Variants in ARHGEF7 observed in about 807,000 individuals in gnomAD.
ARHGEF7 encodes the protein Rho guanine nucleotide exchange factor 7, also known as PAK-interacting exchange factor beta.
Under a neutral mutation model 109.8 loss-of-function variants are expected in ARHGEF7, and 33 were observed. That is an observed-to-expected ratio of 0.30 (90% CI 0.23 to 0.40). The LOEUF is 0.40. Ranked by LOEUF, ARHGEF7 falls within the 10% of genes least tolerant of loss-of-function variation. The pLI is 1.00. For synonymous variants in ARHGEF7, 458 were observed against 424.6 expected, an observed-to-expected ratio of 1.08 and a Z score of -0.97; for missense variants, 938 against 1,098.5, an observed-to-expected ratio of 0.85 and a Z score of 2.07.
chr13:111,200,253 A>G (rs902929217), intron 2 of ARHGEF7, among the ~76,000 whole-genome samples: 5 of 151,990 alleles, frequency 3.3e-5, no homozygotes, highest in African/African-American at 1.2e-4. Flanking sequence ...CTCCAAGCCG[A>G]GCCTCCTTTC....
At chr13:111,271,673 A>G (rs1470442500) in intron 9 of ARHGEF7, among the ~76,000 whole-genome samples, 1 of 152,232 alleles carries the variant, frequency 6.6e-6, no homozygotes, top group African/African-American at 2.4e-5. Context: ...CACCACGTAC[A>G]CACACTCGGA....
intron 2 of ARHGEF7, among the ~76,000 whole-genome samples, chr13:111,175,950 A>G (rs901360030): frequency 1.3e-5 from 2 of 152,188 alleles, no homozygotes; most frequent in Non-Finnish European, 2.9e-5. Flanking sequence ...AGGGCAGGGA[A>G]AAGCCCCTTA....
In ARHGEF7 at chr13:111,255,255, G is replaced by A. The variant is rs1346252504; in HGVS notation, c.950+10961G>A. On this transcript the variant is annotated intron_variant, in intron 8 of 21. Transcript: ENST00000646102. This position sits in a 1 kb window ranked among gnomAD's most constrained non-coding sequence, Gnocchi z 4.1. ...CCGTTTGGGGTTGCTGTGCATTTCA[G>A]TTGGAGATGTCACAGGGGAGGGTGG... Among the ~76,000 whole-genome samples the A allele has an allele frequency of 1.3e-5, 2 of 152,252 alleles. No individual in the cohort carries two copies. Among genetic ancestry groups the A allele is most frequent in the Admixed American group, 1.3e-4 (2 of 15,288 alleles).
intron 19 of ARHGEF7, chr13:111,293,451 A>C (rs915488635): frequency 8.2e-4 from 809 of 985,208 alleles, no homozygotes; most frequent in Non-Finnish European, 9.3e-4. Context: ...AAAAAAAAAA[A>C]AAACTCACCC....
intron 1 of ARHGEF7, among the ~76,000 whole-genome samples, chr13:111,125,861 A>G (rs1004741836): frequency 2.6e-5 from 4 of 152,378 alleles, no homozygotes; most frequent in Middle Eastern, 3.4e-3. Context: ...ATGCCAAAAG[A>G]TTGTGGCTTT....
At chr13:111,209,738 A>G in intron 3 of ARHGEF7, 134 bp from the exon 4 acceptor site, 1 of 994,742 alleles carries the variant, frequency 1.0e-6, no homozygotes, top group Non-Finnish European at 1.4e-6. Context: ...TGTTTTCTGC[A>G]TAAATGGGCT....
Position 111,215,917 on chromosome 13 carries a change from T to G in ARHGEF7, c.469-1762T>G, listed in dbSNP as rs545518460. On this transcript the variant is annotated intron_variant, in intron 4 of 21. Transcript: ENST00000646102. ...CTTTCTTTTCAGTTTTTTTGTTAATTCCCCTGTTTTGGAGAAGCACATTTT... is the reference window on the plus strand; with the variant it reads ...CTTTCTTTTCAGTTTTTTTGTTAATGCCCCTGTTTTGGAGAAGCACATTTT... 2.6e-5 allele frequency among the ~76,000 whole-genome samples: 4 copies of G among 152,110 alleles called. No homozygotes were observed. The South Asian group carries it at 8.3e-4, about 32-fold the overall frequency.
chr13:111,285,425 C>T (rs1028802520), intron 16 of ARHGEF7, among the ~76,000 whole-genome samples: 3 of 152,154 alleles, frequency 2.0e-5, no homozygotes, highest in Admixed American at 6.5e-5. Context: ...GTATTTAACA[C>T]GTGCTTGACA....
At chr13:111,292,494 C>G (rs111578414) in intron 19 of ARHGEF7, 200 bp downstream of exon 19, 47 of 1,430,072 alleles carry the variant, frequency 3.3e-5, no homozygotes, top group Non-Finnish European at 3.6e-5. Flanking sequence ...ACTGCCGATG[C>G]GAGTATACAT....
At chr13:111,230,581 G>C (rs1566904970) in intron 5 of ARHGEF7, among the ~76,000 whole-genome samples, 2 of 152,338 alleles carry the variant, frequency 1.3e-5, no homozygotes, top group East Asian at 3.9e-4. Context: ...CAGAAGCCAG[G>C]AGTGGCCTTG....
At chr13:111,298,229 A>C (rs898839479) in intron 19 of ARHGEF7, among the ~76,000 whole-genome samples, 17 of 152,298 alleles carry the variant, frequency 1.1e-4, no homozygotes, top group South Asian at 2.1e-4. Flanking sequence ...TTTCTATGAA[A>C]TTTCTGTATC....
In ARHGEF7 at chr13:111,123,080, C is replaced by T. The variant is rs185052415; in HGVS notation, c.165+7389C>T. 3.3e-5 allele frequency among the ~76,000 whole-genome samples: 5 copies of T among 152,290 alleles called. No individual in the cohort carries two copies. In the East Asian group the frequency reaches 5.8e-4, roughly 18 times the overall value. On this transcript the variant is annotated intron_variant, in intron 1 of 21. Transcript: ENST00000646102. ...TGCCCCTGGCAAAGTGACCTTGTAG[C>T]GCCTCCATCAAGAGGTAGGAGTCTG...
At chr13:111,232,150 C>A (rs940113351) in intron 5 of ARHGEF7, among the ~76,000 whole-genome samples, 5 of 152,054 alleles carry the variant, frequency 3.3e-5, no homozygotes, top group African/African-American at 9.7e-5. Context: ...CATTGATAGA[C>A]CCACCCTATA....
intron 5 of ARHGEF7, among the ~76,000 whole-genome samples, chr13:111,221,780 A>C (rs1183672538): frequency 6.6e-6 from 1 of 151,034 alleles, no homozygotes; most frequent in Non-Finnish European, 1.5e-5. Context: ...TGTCCCTCTA[A>C]AGAACCCTCA....
intron 18 of ARHGEF7, 31 bp downstream of exon 18, chr13:111,288,474 G>T (rs368372272): frequency 1.1e-4 from 171 of 1,554,446 alleles, no homozygotes; most frequent in Non-Finnish European, 1.4e-4. Flanking sequence ...TGGGAAGTGT[G>T]GTGGTTTATT....
intron 5 of ARHGEF7, among the ~76,000 whole-genome samples, chr13:111,230,389 T>C (rs186475997): frequency 4.9e-4 from 75 of 152,342 alleles, no homozygotes; most frequent in African/African-American, 1.8e-3. Context: ...CGAATGGCCG[T>C]AATTTAGCCT....
At chr13:111,282,432 C>T (rs1021376610) in intron 15 of ARHGEF7, among the ~76,000 whole-genome samples, 5 of 152,182 alleles carry the variant, frequency 3.3e-5, no homozygotes, top group African/African-American at 1.2e-4. Flanking sequence ...GCATTAATGG[C>T]ACACCGCTCT....
In ARHGEF7 at chr13:111,274,785, C is replaced by G; in HGVS notation, c.1267C>G (p.Leu423Val). 6.8e-7 allele frequency: 1 copy of G among 1,480,762 alleles called. No individual in the cohort carries two copies. 91.7% of individuals were successfully genotyped at this position (1,480,762 alleles called of 1,614,324 possible). ...IQKSMAAFKN[L>V]SAQCQEVRKR... Reference sequence around the variant, plus strand: ...AAAATCCATGGCTGCCTTCAAAAACCTTTCAGTAAGTGATTAAGCATATTG... The same window carrying G: ...AAAATCCATGGCTGCCTTCAAAAACGTTTCAGTAAGTGATTAAGCATATTG... The change falls in exon 11 of 22, where the codon CTT (leucine) becomes GTT (valine). Residue 423 changes from leucine (L) to valine (V), a missense_variant. Leu to Val is a conservative substitution (Grantham distance 32, BLOSUM62 1). Around this residue, in one of 4 missense-constraint regions of ARHGEF7, gnomAD observed 585 missense variants for 723.6 expected, o/e 0.81. Transcript: ENST00000646102.
intron 1 of ARHGEF7, among the ~76,000 whole-genome samples, chr13:111,130,759 A>G (rs2074702491): frequency 6.6e-6 from 1 of 152,246 alleles, no homozygotes; most frequent in Non-Finnish European, 1.5e-5. Flanking sequence ...AGAAGAAACT[A>G]TGCCCCTTGG....
Sources: allele counts gnomAD v4.1 joint callset (sites outside exome capture counted in the v4.1 genomes callset), GRCh38; gene constraint gnomAD v4.1.1; regional missense constraint gnomAD v4.1.1; non-coding constraint Gnocchi (gnomAD v3.1); transcripts MANE v1.5; gene names NCBI Gene and HGNC (gene_info 2026-07-23, HGNC 2026-07-21).